Variants in RGMA observed in about 807,000 individuals in gnomAD.
RGMA encodes repulsive guidance molecule A.
In RGMA, 10 loss-of-function variants were observed where a neutral mutation model predicts 23.2. The ratio of observed to expected loss-of-function variants is 0.43; its 90% CI spans 0.27 to 0.73. The LOEUF (loss-of-function observed/expected upper bound fraction) is 0.73. Ranked by LOEUF, RGMA falls within the 30% of genes least tolerant of loss-of-function variation. The pLI, the probability that RGMA is intolerant of heterozygous loss-of-function variation, is 0.20. For missense variants in RGMA, 547 were observed against 630.5 expected, an observed-to-expected ratio of 0.87 and a Z score of 1.42; for synonymous variants, 308 against 279.3, an observed-to-expected ratio of 1.10 and a Z score of -1.03.
intron 1 of RGMA, chr15:93,088,673 G>T: frequency 1.1e-6 from 1 of 899,252 alleles, no homozygotes; most frequent in Non-Finnish European, 1.5e-6. Context: ...GCCCAACCAC[G>T]CGCGCTGGCG....
Position 93,044,740 on chromosome 15 carries a change from T to C in RGMA, c.*258A>G. 2 of 546,570 alleles carry C rather than the reference T, an allele frequency of 3.7e-6. No individual in the cohort carries two copies. Among genetic ancestry groups the C allele is most frequent in the Non-Finnish European group, 6.5e-6 (2 of 306,736 alleles). 33.9% of individuals were successfully genotyped at this position (546,570 alleles called of 1,614,324 possible). A position where few individuals can be genotyped will look rare whatever the true frequency, so the allele number is the denominator to read the frequency against. ...GAGGGGATGTTTCACACATTCACAC[T>C]GCAGGGGCGGGGCGAGGGGAGCTGC... is the stretch of plus-strand genomic sequence containing the variant. On this transcript the variant is annotated 3_prime_UTR_variant, in exon 4 of 4. Transcript: ENST00000329082.
At chr15:93,078,483 TC>T (rs1269340597) in intron 1 of RGMA, among the ~76,000 whole-genome samples, 1 of 152,352 alleles carries the variant, frequency 6.6e-6, no homozygotes, top group East Asian at 1.9e-4. Context: ...TTTTAATTTA[TC>T]CTTCAAATTC....
At position 93,038,142 on chromosome 15, in the gene RGMA, T is replaced by C. The variant is rs959563805; in HGVS notation, c.*6856A>G. 6.6e-6 allele frequency: 1 copy of C among 152,216 alleles called. No homozygotes were observed. Among genetic ancestry groups the C allele is most frequent in the African/African-American group, 2.4e-5 (1 of 41,432 alleles). 9.4% of individuals were successfully genotyped at this position (152,216 alleles called of 1,614,324 possible). On this transcript the variant is annotated 3_prime_UTR_variant, in exon 4 of 4. Transcript: ENST00000329082. ...TGGGGAAGGTGGCTAAGGAAAGCTG[T>C]TGATAGCAGGGTTGGGGGCCTTGGC... is the stretch of plus-strand genomic sequence containing the variant.
At chr15:93,073,746 A>G (rs4598860) in intron 1 of RGMA, 860,618 of 1,536,794 alleles carry the variant, frequency 0.56, 248,163 homozygotes, top group East Asian at 0.95. Flanking sequence ...TCGTGGCCCC[A>G]GGCCACCCAT....
chr15:93,052,293 GC>G lies in RGMA; in HGVS notation c.344del (p.Cys115SerfsTer81). ...GIEDLMSQHN[C>X]SKDGPTSQPR... ...GCTGCGAGGTGGGGCCATCCTTGGA[GC>G]AGTTGTGCTGGCTCATGAGGTCCTC... is the stretch of plus-strand genomic sequence containing the variant. On this transcript the variant is annotated frameshift_variant, in exon 3 of 4. Coordinates refer to ENST00000329082, the MANE Select transcript of RGMA (RefSeq NM_020211.3). LOFTEE classifies it high-confidence loss of function. 1 of 1,603,416 alleles carries G rather than the reference GC, an allele frequency of 6.2e-7. No homozygotes were observed. Among genetic ancestry groups the G allele is most frequent in the Non-Finnish European group, 8.5e-7 (1 of 1,176,462 alleles).
chr15:93,080,552 G>C (rs1895542676), intron 1 of RGMA, among the ~76,000 whole-genome samples: 1 of 152,022 alleles, frequency 6.6e-6, no homozygotes, highest in South Asian at 2.1e-4. Context: ...CCCAGGCACG[G>C]GGCTTTTCGT....
In RGMA at chr15:93,082,510, G is replaced by T. The variant is rs571850925; in HGVS notation, c.14+6409C>A. Among the ~76,000 whole-genome samples the T allele has an allele frequency of 2.6e-5, 4 of 152,328 alleles. No homozygotes were observed. The South Asian group carries it at 8.3e-4, about 32-fold the overall frequency. On this transcript the variant is annotated intron_variant, in intron 1 of 3. Coordinates refer to ENST00000329082, the MANE Select transcript of RGMA (RefSeq NM_020211.3). The stretch of plus-strand genomic sequence containing the variant: ...GAGGCTCAAACCCAGGTCTTGAGAT[G>T]CCAAGTGCAGTGTTTTTCCCACCAA...
rs1596076558 is a variant in RGMA at position 93,044,720 on chromosome 15, G to T, written c.*278C>A. On this transcript the variant is annotated 3_prime_UTR_variant, in exon 4 of 4. Transcript: ENST00000329082. ...GGGGTGGGGGGCTTCAGCCTGAGGG[G>T]ATGTTTCACACATTCACACTGCAGG... The T allele has an allele frequency of 6.2e-6, 3 of 485,610 alleles. No individual in the cohort carries two copies. The highest frequency in any genetic ancestry group is 3.9e-5 in the African/African-American group (2 of 51,508). The allele number at this position is 485,610 out of a possible 1,614,324, so 30.1% of individuals were successfully genotyped here. A position where few individuals can be genotyped will look rare whatever the true frequency, so the allele number is the denominator to read the frequency against.
At chr15:93,050,178 C>T (rs986657229) in intron 3 of RGMA, among the ~76,000 whole-genome samples, 2 of 152,212 alleles carry the variant, frequency 1.3e-5, no homozygotes, top group Admixed American at 6.5e-5. Context: ...TTGCTCTTCA[C>T]TAGCCTGGGA....
intron 1 of RGMA, among the ~76,000 whole-genome samples, chr15:93,083,841 C>CA (rs1895596586): frequency 6.6e-6 from 1 of 152,146 alleles, no homozygotes; most frequent in Admixed American, 6.5e-5. Context: ...CAGGTGAGCC[C>CA]AGCCTCTAAG....
At chr15:93,075,855 G>A (rs966894057) in intron 1 of RGMA, among the ~76,000 whole-genome samples, 1 of 152,126 alleles carries the variant, frequency 6.6e-6, no homozygotes, top group Non-Finnish European at 1.5e-5. Flanking sequence ...AAATGTCTGA[G>A]GCTGAATTTG....
intron 2 of RGMA, among the ~76,000 whole-genome samples, chr15:93,070,458 G>A (rs1031336043): frequency 6.6e-6 from 1 of 152,068 alleles, no homozygotes; most frequent in South Asian, 2.1e-4. Flanking sequence ...TTTATTTCTC[G>A]ATCTCCCGCC....
At position 93,052,460 on chromosome 15, in the gene RGMA, C is replaced by T. The variant is rs778610552; in HGVS notation, c.178G>A (p.Ala60Thr). 5.7e-6 allele frequency: 9 copies of T among 1,588,788 alleles called. No homozygotes were observed. Among genetic ancestry groups the T allele is most frequent in the South Asian group, 5.5e-5 (5 of 90,450 alleles). The change falls in exon 3 of 4, where the codon GCC (alanine) becomes ACC (threonine). Residue 60 changes from alanine to threonine, a missense_variant. This residue lies in a region of RGMA where 214 missense variants were observed against 234.7 expected (regional missense o/e 0.91). Transcript: ENST00000329082. ...GCTGGGGCGTGGCTGCCCGACGTGG[C>T]GCTCCAGAACTCAGAGTTGCACTTG... ...ILKCNSEFWS[A>T]TSGSHAPASD...
At chr15:93,083,094 C>G (rs1227749467) in intron 1 of RGMA, among the ~76,000 whole-genome samples, 1 of 152,256 alleles carries the variant, frequency 6.6e-6, no homozygotes, top group African/African-American at 2.4e-5. Flanking sequence ...TGTTCTCCAC[C>G]AGGCCTGAAG....
chr15:93,045,436 C>T lies in RGMA; in HGVS notation c.915G>A (p.Glu305=). 6.2e-7 allele frequency: 1 copy of T among 1,613,234 alleles called. No homozygotes were observed. The highest frequency in any genetic ancestry group is 1.3e-5 in the African/African-American group (1 of 75,044). Residue 305 remains glutamate, a synonymous_variant, in exon 4 of 4, where the codon GAG becomes GAA. Transcript: ENST00000329082. This position sits in a 1 kb window ranked among gnomAD's most constrained non-coding sequence, Gnocchi z 6.9. The stretch of plus-strand genomic sequence containing the variant: ...GGTAGAGACCCTGGCTGTCCCAGTC[C>T]TCCACAGCATTGACCACTTCCTCTG... ...RMPEEVVNAV[E]DWDSQGLYLC...
chr15:93,037,257 C>T lies in RGMA; in HGVS notation c.*7741G>A, dbSNP rs912617812. ...AGCTGAGGCTGCAAAACAAGGAAAACCCACCCTTTTCATGCAGCCAGTAGG... is the reference window on the plus strand; with the variant it reads ...AGCTGAGGCTGCAAAACAAGGAAAATCCACCCTTTTCATGCAGCCAGTAGG... On this transcript the variant is annotated 3_prime_UTR_variant, in exon 4 of 4. Transcript: ENST00000329082. The surrounding 1 kb of genome is among the most constrained non-coding windows in gnomAD (Gnocchi z 4.3). 2.0e-5 allele frequency: 3 copies of T among 152,246 alleles called. No individual in the cohort carries two copies. The highest frequency in any genetic ancestry group is 7.2e-5 in the African/African-American group (3 of 41,454). 9.4% of individuals were successfully genotyped at this position (152,246 alleles called of 1,614,324 possible).
intron 1 of RGMA, among the ~76,000 whole-genome samples, chr15:93,077,631 T>A (rs980542673): frequency 6.6e-6 from 1 of 152,198 alleles, no homozygotes; most frequent in Non-Finnish European, 1.5e-5. Flanking sequence ...GACTCCAACA[T>A]AGGATCGGTT....
chr15:93,066,500 G>A (rs1036648787), intron 2 of RGMA: 5 of 511,140 alleles, frequency 9.8e-6, no homozygotes, highest in African/African-American at 3.8e-5. Context: ...TCCCAGCAGC[G>A]GGGCCCGAGG....
chr15:93,043,258 A>ACGCACACACACAGGCACG lies in RGMA; in HGVS notation c.*1739_*1740insCGTGCCTGTGTGTGTGCG. On this transcript the variant is annotated 3_prime_UTR_variant, in exon 4 of 4. Coordinates refer to ENST00000329082, the MANE Select transcript of RGMA (RefSeq NM_020211.3). ...CGTACATGCACGCACACAGGCACGC[A>ACGCACACACACAGGCACG]CACACACAGGCATGCATACACACAT... The ACGCACACACACAGGCACG allele has an allele frequency of 5.2e-5, 1 of 19,232 alleles. No homozygotes were observed. The highest frequency in any genetic ancestry group is 1.2e-3 in the South Asian group (1 of 816). The allele number at this position is 19,232 out of a possible 1,614,324, so 1.2% of individuals were successfully genotyped here. A position where few individuals can be genotyped will look rare whatever the true frequency, so the allele number is the denominator to read the frequency against.
Sources: allele counts gnomAD v4.1 joint callset (sites outside exome capture counted in the v4.1 genomes callset), GRCh38; gene constraint gnomAD v4.1.1; regional missense constraint gnomAD v4.1.1; non-coding constraint Gnocchi (gnomAD v3.1); transcripts MANE v1.5; gene names NCBI Gene and HGNC (gene_info 2026-07-23, HGNC 2026-07-21).